The following NUBP2 variants were observed in gnomAD, a reference collection of about 807,000 sequenced individuals.
The protein encoded by NUBP2 is NUBP iron-sulfur cluster assembly factor 2, cytosolic.
In NUBP2, 23 loss-of-function variants were observed where a neutral mutation model predicts 24.9. The observed-to-expected ratio is 0.92, with a 90% CI of 0.66 to 1.31. The LOEUF (loss-of-function observed/expected upper bound fraction) is 1.31. NUBP2 is among the 50% of genes most tolerant of loss of function. The pLI is 0.00. For missense variants in NUBP2, 403 were observed against 386.5 expected (o/e 1.04, Z -0.36); for synonymous variants, 186 against 170.9 (o/e 1.09, Z -0.69).
chr16:1,786,779 T>C lies in NUBP2; in HGVS notation c.158T>C (p.Leu53Pro), dbSNP rs750265595. The change falls in exon 3 of 7, where the codon CTG becomes CCG. Residue 53 changes from leucine (L) to proline (P), a missense_variant. By Grantham distance (98) the Leu-to-Pro change is moderately conservative. Coordinates refer to ENST00000262302, the MANE Select transcript of NUBP2 (RefSeq NM_012225.4). The part of the protein sequence containing the change: ...GKKVGILDVD[L>P]CGPSIPRMLG... ...CAGGTGGGAATCCTGGATGTGGACCTGTGTGGCCCCAGTATCCCCCGCATG... is the reference window on the plus strand; with the variant it reads ...CAGGTGGGAATCCTGGATGTGGACCCGTGTGGCCCCAGTATCCCCCGCATG... 1.2e-6 allele frequency: 2 copies of C among 1,611,256 alleles called. No individual in the cohort carries two copies. The highest frequency in any genetic ancestry group is 2.2e-5 in the South Asian group (2 of 90,982).
intron 3 of NUBP2, 90 bp from the exon 4 acceptor site, chr16:1,787,587 C>T: frequency 6.5e-7 from 1 of 1,530,576 alleles, no homozygotes; most frequent in Non-Finnish European, 8.9e-7. Context: ...ACTGCAGCCC[C>T]TCGGCCTGAC....
intron 1 of NUBP2, chr16:1,785,477 A>G (rs1335298041): frequency 5.0e-6 from 6 of 1,189,904 alleles, no homozygotes; most frequent in Middle Eastern, 3.8e-4. Flanking sequence ...GGCAGTCAGG[A>G]CCCAGGCCTG....
intron 6 of NUBP2, 110 bp downstream of exon 6, chr16:1,788,317 G>T (rs888213565): frequency 1.4e-5 from 16 of 1,165,748 alleles, no homozygotes; most frequent in Non-Finnish European, 2.3e-6. Flanking sequence ...GGACGGGAGC[G>T]GTTTCCTCCT....
chr16:1,787,901 G>A (rs1273749771), intron 4 of NUBP2, 40 bp from the exon 5 acceptor site: 9 of 1,599,944 alleles, frequency 5.6e-6, no homozygotes, highest in Non-Finnish European at 7.7e-6. Context: ...GTCCCTGCTG[G>A]TGCGCCTGGC....
chr16:1,786,942 C>A lies in NUBP2; in HGVS notation c.321C>A (p.Gly107=). The A allele has an allele frequency of 6.6e-7, 1 of 1,519,192 alleles. No individual in the cohort carries two copies. Among genetic ancestry groups the A allele is most frequent in the Middle Eastern group, 1.8e-4 (1 of 5,592 alleles). The allele number at this position is 1,519,192 out of a possible 1,614,324, so 94.1% of individuals were successfully genotyped here. The change falls in exon 3 of 7, where the codon GGC becomes GGA. Residue 107 remains glycine (G), a synonymous_variant. Coordinates refer to ENST00000262302, the MANE Select transcript of NUBP2 (RefSeq NM_012225.4). ...EKPDEAVVWR[G]PKKNALIKQF... ...CGGACGAGGCCGTGGTGTGGAGAGG[C>A]CCCAAGAAAAACGGTAACGGCCGGG...
At position 1,786,752 on chromosome 16, in the gene NUBP2, T is replaced by C. The variant is rs776018773; in HGVS notation, c.136-5T>C. Reference sequence around the variant, plus strand: ...CCCCGGCCTAGGCTGTGCCGCTCCTTGCAGGTGGGAATCCTGGATGTGGAC... The same window carrying C: ...CCCCGGCCTAGGCTGTGCCGCTCCTCGCAGGTGGGAATCCTGGATGTGGAC... On this transcript the variant is annotated splice_region_variant and splice_polypyrimidine_tract_variant and intron_variant, in intron 2 of 6. Transcript: ENST00000262302. 7.4e-6 allele frequency: 12 copies of C among 1,611,442 alleles called. No individual in the cohort carries two copies. In the South Asian group the frequency reaches 1.2e-4, roughly 16 times the overall value.
intron 1 of NUBP2, chr16:1,785,631 GT>G (rs2142000811): frequency 7.8e-7 from 1 of 1,287,252 alleles, no homozygotes; most frequent in East Asian, 5.6e-5. Context: ...GGGGCTTTGT[GT>G]TTGCAGGAGT....
chr16:1,788,485 G>A (rs910358564), intron 6 of NUBP2, 84 bp from the exon 7 acceptor site: 8 of 1,464,820 alleles, frequency 5.5e-6, no homozygotes, highest in East Asian at 2.5e-5. Context: ...CTAAGGCCAC[G>A]GGTGGTTCGG....
At chr16:1,786,090 C>A in intron 1 of NUBP2, 1 of 850,126 alleles carries the variant, frequency 1.2e-6, no homozygotes, top group Non-Finnish European at 1.6e-6. Flanking sequence ...GTGGTTGTTG[C>A]CACCCACCCT....
rs767147233 is a variant in NUBP2 at position 1,788,134 on chromosome 16, C to A, written c.601-4C>A. On this transcript the variant is annotated splice_polypyrimidine_tract_variant and splice_region_variant and intron_variant, in intron 5 of 6. Coordinates refer to ENST00000262302, the MANE Select transcript of NUBP2 (RefSeq NM_012225.4). Reference sequence around the variant, plus strand: ...GCAGTGCTGGGCTCACCACCGTCTCCTAGGAGTGCACCAGCGTCTTCTCCA... The same window carrying A: ...GCAGTGCTGGGCTCACCACCGTCTCATAGGAGTGCACCAGCGTCTTCTCCA... The A allele has an allele frequency of 1.3e-6, 2 of 1,552,954 alleles. No homozygotes were observed. The highest frequency in any genetic ancestry group is 2.1e-5 in the Admixed American group (1 of 47,386).
chr16:1,785,304 G>C, intron 1 of NUBP2: 4 of 1,062,018 alleles, frequency 3.8e-6, no homozygotes, highest in Non-Finnish European at 4.6e-6. Flanking sequence ...AAATGTTCTT[G>C]GGGGAACCCT....
chr16:1,787,585 C>T, intron 3 of NUBP2, 92 bp from the exon 4 acceptor site: 1 of 1,513,620 alleles, frequency 6.6e-7, no homozygotes, highest in Non-Finnish European at 9.0e-7. Context: ...GGACTGCAGC[C>T]CCTCGGCCTG....
intron 1 of NUBP2, chr16:1,786,268 G>T: frequency 1.9e-6 from 1 of 514,282 alleles, no homozygotes; most frequent in East Asian, 3.2e-5. Context: ...ACAGCGAGAG[G>T]AGTTGGGCAG....
At position 1,788,563 on chromosome 16, in the gene NUBP2, C is replaced by T. The variant is rs1339664626; in HGVS notation, c.671-6C>T. On this transcript the variant is annotated splice_polypyrimidine_tract_variant and splice_region_variant and intron_variant, in intron 6 of 6. Coordinates refer to ENST00000262302, the MANE Select transcript of NUBP2 (RefSeq NM_012225.4). The stretch of plus-strand genomic sequence containing the variant: ...ATGGCGCCACCGCCTCCACTGTGCC[C>T]TGCAGGCTCCGTGCCCCTGGACCCT... The T allele has an allele frequency of 1.9e-6, 3 of 1,600,306 alleles. No individual in the cohort carries two copies. The highest frequency in any genetic ancestry group is 1.7e-6 in the Non-Finnish European group (2 of 1,176,808).
rs1490621834 is a variant in NUBP2, at chr16:1,788,627, C to T, written c.729C>T (p.Ile243=). The T allele has an allele frequency of 6.2e-7, 1 of 1,611,216 alleles. No homozygotes were observed. Among genetic ancestry groups the T allele is most frequent in the African/African-American group, 1.3e-5 (1 of 74,894 alleles). Reference sequence around the variant, plus strand: ...CCCTGGAGGAGGGCCACGACTTCATCCAGGAGTTCCCTGGGAGCCCCGCCT... The same window carrying T: ...CCCTGGAGGAGGGCCACGACTTCATTCAGGAGTTCCCTGGGAGCCCCGCCT... ...MRTLEEGHDF[I]QEFPGSPAFA... is the part of the protein sequence containing the mutation. The change falls in exon 7 of 7, where the codon ATC becomes ATT. Residue 243 remains isoleucine, a synonymous_variant. Transcript: ENST00000262302.
Position 1,787,836 on chromosome 16 carries a change from C to T in NUBP2, c.489+5C>T, listed in dbSNP as rs201466021. On this transcript the variant is annotated splice_donor_5th_base_variant and intron_variant, in intron 4 of 6. Coordinates refer to ENST00000262302, the MANE Select transcript of NUBP2 (RefSeq NM_012225.4). ...CTCGTGGTCACCACGCCCCAGGTAGCGCTGCGGCACCTTCCCGAGTCCCTG... is the reference window on the plus strand; with the variant it reads ...CTCGTGGTCACCACGCCCCAGGTAGTGCTGCGGCACCTTCCCGAGTCCCTG... The T allele has an allele frequency of 5.0e-3, 8,101 of 1,607,838 alleles. 313 individuals carry two copies. In the South Asian group the frequency reaches 0.074, roughly 15 times the overall value.
Position 1,788,044 on chromosome 16 carries a change from A to G in NUBP2, c.593A>G (p.His198Arg), listed in dbSNP as rs1232673338. 4 of 1,590,088 alleles carry G rather than the reference A, an allele frequency of 2.5e-6. No homozygotes were observed. The highest frequency in any genetic ancestry group is 3.4e-6 in the Non-Finnish European group (4 of 1,171,788). The change falls in exon 5 of 7, where the codon CAC becomes CGC. Residue 198 changes from histidine to arginine, a missense_variant. His to Arg is a conservative substitution (Grantham distance 29). Coordinates refer to ENST00000262302, the MANE Select transcript of NUBP2 (RefSeq NM_012225.4). ...VENMSGFTCP[H>R]CTECTSVFSR... Reference sequence around the variant, plus strand: ...AATATGAGCGGCTTCACCTGCCCACACTGCACGGTGAGTCCCGGGGGTTGC... The same window carrying G: ...AATATGAGCGGCTTCACCTGCCCACGCTGCACGGTGAGTCCCGGGGGTTGC...
At chr16:1,783,091 C>T (rs1896798975) in intron 1 of NUBP2, 55 bp downstream of exon 1, 9 of 1,228,764 alleles carry the variant, frequency 7.3e-6, no homozygotes, top group African/African-American at 1.6e-5. Context: ...GGGGCCCCGC[C>T]GCGTCCCTTC....
intron 3 of NUBP2, chr16:1,787,264 G>A (rs944405244): frequency 2.4e-6 from 1 of 423,974 alleles, no homozygotes; most frequent in Non-Finnish European, 4.2e-6. Context: ...GGTGCCTCTG[G>A]AGCAGGTGGC....
Sources: gnomAD v4.1 joint callset for allele counts on GRCh38, gnomAD v4.1.1 for gene constraint, MANE v1.5 for transcripts, NCBI Gene and HGNC (gene_info 2026-07-23, HGNC 2026-07-21) for gene names.